The following DSCC1 variants were observed in gnomAD, a reference collection of about 807,000 sequenced individuals.
The protein encoded by DSCC1 is sister chromatid cohesion protein DCC1.
DSCC1 carries 32 observed loss-of-function variants against 48.2 expected under a neutral mutation model. The ratio of observed to expected loss-of-function variants is 0.66; its 90% CI spans 0.50 to 0.89. The LOEUF is 0.89. Ranked by LOEUF, DSCC1 falls within the 40% of genes least tolerant of loss-of-function variation. The probability of loss-of-function intolerance (pLI) is 0.00; values close to 1 mark genes in which losing one functional copy is unlikely to be tolerated. For missense variants in DSCC1, 421 were observed against 471.7 expected (o/e 0.89, Z 1.00); for synonymous variants, 150 against 171.5 (o/e 0.87, Z 0.98).
chr8:119,843,859 C>A, intron 4 of DSCC1, 112 bp from the exon 5 acceptor site: 1 of 1,061,262 alleles, frequency 9.4e-7, no homozygotes, highest in Non-Finnish European at 1.4e-6. Flanking sequence ...TCATCGCAAC[C>A]TCCACCTCCT....
chr8:119,838,254 C>T lies in DSCC1; in HGVS notation c.1073+5G>A, dbSNP rs892407848. On this transcript the variant is annotated splice_donor_5th_base_variant and intron_variant, in intron 8 of 8. Coordinates refer to ENST00000313655, the MANE Select transcript of DSCC1 (RefSeq NM_024094.3). ...CTCAAAATCCGTCTTTAATAAATTA[C>T]TTACTGAATATATGGAGCAATATCT... 2 of 1,551,014 alleles carry T rather than the reference C, an allele frequency of 1.3e-6. No homozygotes were observed. Among genetic ancestry groups the T allele is most frequent in the Non-Finnish European group, 1.7e-6 (2 of 1,155,320 alleles).
At position 119,847,090 on chromosome 8, in the gene DSCC1, GA is replaced by G. The variant is rs764974672; in HGVS notation, c.487-11del. ...AATCTTCAGTTGTATACTGCAAAAA[GA>G]AAAAAATATTTTAAGGCCTTTGAAG... On this transcript the variant is annotated splice_polypyrimidine_tract_variant and intron_variant, in intron 3 of 8. Transcript: ENST00000313655. The G allele has an allele frequency of 3.7e-6, 6 of 1,606,508 alleles. No individual in the cohort carries two copies. The highest frequency in any genetic ancestry group is 3.4e-6 in the Non-Finnish European group (4 of 1,177,690).
At position 119,838,384 on chromosome 8, in the gene DSCC1, G is replaced by C; in HGVS notation, c.948C>G (p.His316Gln). Reference protein sequence around the residue: ...QLKGLALVDRHSRPEIIFLLK... With the variant: ...QLKGLALVDRQSRPEIIFLLK... ...GCAAAAATATGATTTCTGGTCTCGAGTGTCTATCCACCAGCGCTAAACCCT... is the reference window on the plus strand; with the variant it reads ...GCAAAAATATGATTTCTGGTCTCGACTGTCTATCCACCAGCGCTAAACCCT... The change falls in exon 8 of 9, where the codon CAC (histidine) becomes CAG (glutamine). Residue 316 changes from histidine (H) to glutamine (Q), a missense_variant. Around this residue, in one of 3 missense-constraint regions of DSCC1, gnomAD observed 238 missense variants for 259.0 expected, o/e 0.92. Coordinates refer to ENST00000313655, the MANE Select transcript of DSCC1 (RefSeq NM_024094.3). The C allele has an allele frequency of 6.2e-7, 1 of 1,605,904 alleles. No individual in the cohort carries two copies. The highest frequency in any genetic ancestry group is 8.5e-7 in the Non-Finnish European group (1 of 1,177,176).
intron 3 of DSCC1, among the ~76,000 whole-genome samples, chr8:119,847,367 T>C (rs1008068745): frequency 6.6e-6 from 1 of 151,896 alleles, no homozygotes; most frequent in Non-Finnish European, 1.5e-5. Context: ...ATCATCAAAA[T>C]AATAAACTTT....
Position 119,852,869 on chromosome 8 carries a change from ACTC to A in DSCC1, c.351+175_351+177del. On this transcript the variant is annotated intron_variant, in intron 2 of 8. Coordinates refer to ENST00000313655, the MANE Select transcript of DSCC1 (RefSeq NM_024094.3). ...AGGAAAAAACAGACAAGTTCACAAGACTCCAACAAACAAGCAATAATAATAATA... is the reference window on the plus strand; with the variant it reads ...AGGAAAAAACAGACAAGTTCACAAGACAACAAACAAGCAATAATAATAATA... 5.8e-6 allele frequency: 3 copies of A among 514,632 alleles called. No individual in the cohort carries two copies. In the East Asian group the frequency reaches 1.0e-4, roughly 18 times the overall value. 31.9% of individuals were successfully genotyped at this position (514,632 alleles called of 1,614,324 possible).
chr8:119,855,834 G>A lies in DSCC1; in HGVS notation c.-39C>T, dbSNP rs775341760. On this transcript the variant is annotated 5_prime_UTR_variant, in exon 1 of 9. Coordinates refer to ENST00000313655, the MANE Select transcript of DSCC1 (RefSeq NM_024094.3). The stretch of plus-strand genomic sequence containing the variant: ...CTAGGAGTCCCGCCGCGCCCGGGTG[G>A]CTGCGGGCTTGGCGGGCAAGAAAGA... 3 of 1,422,406 alleles carry A rather than the reference G, an allele frequency of 2.1e-6. No homozygotes were observed. The highest frequency in any genetic ancestry group is 2.8e-6 in the Non-Finnish European group (3 of 1,087,958). 88.1% of individuals were successfully genotyped at this position (1,422,406 alleles called of 1,614,324 possible).
chr8:119,854,839 C>G (rs7010474), intron 1 of DSCC1, among the ~76,000 whole-genome samples: 6,869 of 152,210 alleles, frequency 0.045, 252 homozygotes, highest in South Asian at 0.13. Context: ...CCAGTTTACT[C>G]TAACACTCTT....
chr8:119,853,340 C>A, intron 1 of DSCC1, 125 bp from the exon 2 acceptor site: 2 of 1,040,314 alleles, frequency 1.9e-6, no homozygotes, highest in Non-Finnish European at 2.7e-6. Context: ...TGCCTCTGCC[C>A]CCTGCTAGCA....
chr8:119,846,786 C>T (rs1404168159), intron 4 of DSCC1, among the ~76,000 whole-genome samples: 1 of 152,224 alleles, frequency 6.6e-6, no homozygotes, highest in Admixed American at 6.5e-5. Context: ...TCTCAAACTC[C>T]TGGCCTCAAG....
Position 119,834,392 on chromosome 8 carries a change from A to C in DSCC1, c.*501T>G, listed in dbSNP as rs768304672. 2.0e-5 allele frequency: 3 copies of C among 153,200 alleles called. No individual in the cohort carries two copies. The highest frequency in any genetic ancestry group is 4.4e-5 in the Non-Finnish European group (3 of 68,858). The allele number at this position is 153,200 out of a possible 1,614,324, so 9.5% of individuals were successfully genotyped here. ...GAGGAGTAATTATTCAGCCAATTTCATGGATGTAAACGATGGATATAAATA... is the reference window on the plus strand; with the variant it reads ...GAGGAGTAATTATTCAGCCAATTTCCTGGATGTAAACGATGGATATAAATA... On this transcript the variant is annotated 3_prime_UTR_variant, in exon 9 of 9. Coordinates refer to ENST00000313655, the MANE Select transcript of DSCC1 (RefSeq NM_024094.3).
intron 1 of DSCC1, among the ~76,000 whole-genome samples, chr8:119,853,668 T>C (rs1257988582): frequency 6.6e-6 from 1 of 151,786 alleles, no homozygotes; most frequent in Middle Eastern, 3.2e-3. Context: ...GGACCCAGGG[T>C]CCCGTATTTC....
In DSCC1 at chr8:119,853,036, G is replaced by GA. The variant is rs1344695008; in HGVS notation, c.351+10dup. 6.3e-7 allele frequency: 1 copy of GA among 1,593,400 alleles called. No homozygotes were observed. Among genetic ancestry groups the GA allele is most frequent in the Non-Finnish European group, 8.6e-7 (1 of 1,167,550 alleles). On this transcript the variant is annotated intron_variant, in intron 2 of 8. Coordinates refer to ENST00000313655, the MANE Select transcript of DSCC1 (RefSeq NM_024094.3). ...TCAGACTTTTATAAATCAGAGTACA[G>GA]AAAAGAGCACCTCAGTGTGAATAAT...
At chr8:119,846,888 A>T (rs1404200479) in intron 4 of DSCC1, 102 bp downstream of exon 4, 24 of 1,110,750 alleles carry the variant, frequency 2.2e-5, no homozygotes, top group Non-Finnish European at 3.0e-5. Context: ...ACCCAAAAGA[A>T]TATTAAATAA....
At chr8:119,837,110 A>C (rs1444476935) in intron 8 of DSCC1, among the ~76,000 whole-genome samples, 1 of 152,232 alleles carries the variant, frequency 6.6e-6, no homozygotes, top group African/African-American at 2.4e-5. Flanking sequence ...GCATTTTCTT[A>C]TGAAGGAGAG....
At chr8:119,848,184 A>G (rs1301812128) in intron 3 of DSCC1, among the ~76,000 whole-genome samples, 3 of 152,232 alleles carry the variant, frequency 2.0e-5, no homozygotes, top group East Asian at 3.9e-4. Flanking sequence ...ACTGGTCTCA[A>G]ACTCCTGGAC....
chr8:119,849,437 G>A (rs546386499), intron 3 of DSCC1, among the ~76,000 whole-genome samples: 1 of 152,092 alleles, frequency 6.6e-6, no homozygotes, highest in East Asian at 1.9e-4. Context: ...ACTGATACAT[G>A]CTACAACATA....
In DSCC1 at chr8:119,850,400, C is replaced by T. The variant is rs761233893; in HGVS notation, c.468G>A (p.Lys156=). 6.3e-6 allele frequency: 10 copies of T among 1,579,988 alleles called. No individual in the cohort carries two copies. Among genetic ancestry groups the T allele is most frequent in the Non-Finnish European group, 8.5e-6 (10 of 1,170,074 alleles). The change falls in exon 3 of 9, where the codon AAG becomes AAA. Residue 156 remains lysine (K), a synonymous_variant. Coordinates refer to ENST00000313655, the MANE Select transcript of DSCC1 (RefSeq NM_024094.3). ...PYEGPDSQKE[K]DSNSSKYTTE... ...GTCTTACTTTTGAGCTATTTGAATC[C>T]TTCTCTTTTTGACTGTCAGGTCCTT...
chr8:119,843,807 A>G, intron 4 of DSCC1, 60 bp from the exon 5 acceptor site: 1 of 1,526,178 alleles, frequency 6.6e-7, no homozygotes, highest in Non-Finnish European at 8.9e-7. Flanking sequence ...GCAGGGTCTC[A>G]ACTCTGTCAC....
chr8:119,847,688 G>A (rs368214321), intron 3 of DSCC1, among the ~76,000 whole-genome samples: 11 of 143,632 alleles, frequency 7.7e-5, no homozygotes, highest in East Asian at 6.0e-4. Flanking sequence ...TTTTTGAGAC[G>A]GAGTTTCGCT....
Sources: gnomAD v4.1 joint callset for allele counts (sites outside exome capture counted in the v4.1 genomes callset) on GRCh38, gnomAD v4.1.1 for gene constraint, gnomAD v4.1.1 regional missense constraint, MANE v1.5 for transcripts, NCBI Gene and HGNC (gene_info 2026-07-23, HGNC 2026-07-21) for gene names.